Variants in KLF12 observed in about 807,000 individuals in gnomAD.
The protein encoded by KLF12 is Krueppel-like factor 12.
In KLF12, 9 loss-of-function variants were observed where a neutral mutation model predicts 37.8. The observed-to-expected ratio is 0.24, with a 90% confidence interval of 0.14 to 0.42. The LOEUF (loss-of-function observed/expected upper bound fraction) is 0.42, where lower values mean the gene tolerates loss of function less well. KLF12 is among the 10% of genes least tolerant of loss of function. KLF12 has a pLI of 1.00. For missense variants in KLF12, 411 were observed against 516.0 expected, an observed-to-expected ratio of 0.80 and a Z score of 1.97; for synonymous variants, 208 against 202.1, an observed-to-expected ratio of 1.03 and a Z score of -0.25.
At chr13:74,256,084 G>T in the KLF12 span, among the ~76,000 whole-genome samples, 1 of 151,900 alleles carries the variant, frequency 6.6e-6, no homozygotes, top group South Asian at 2.1e-4. Context: ...GAACCCAGAA[G>T]GCGGAGCTTG....
chr13:73,955,936 C>T (rs78567211), intron 2 of KLF12, among the ~76,000 whole-genome samples: 12,006 of 152,272 alleles, frequency 0.079, 652 homozygotes, highest in Non-Finnish European at 0.11. Context: ...TCCCCACCTC[C>T]GCTTTTCCAC....
At chr13:73,739,743 C>T (rs775734143) in intron 6 of KLF12, among the ~76,000 whole-genome samples, 46 of 152,124 alleles carry the variant, frequency 3.0e-4, no homozygotes, top group Non-Finnish European at 4.4e-4. Flanking sequence ...GCTTCTGAAT[C>T]GTTCTTGCAT....
intron 1 of KLF12, among the ~76,000 whole-genome samples, chr13:74,049,227 A>T (rs1212561365): frequency 6.6e-6 from 1 of 152,246 alleles, no homozygotes; most frequent in African/African-American, 2.4e-5. Flanking sequence ...TACCAAGAAC[A>T]GAGTGAGGGA....
the KLF12 span, among the ~76,000 whole-genome samples, chr13:74,292,452 CTT>C: frequency 2.2e-5 from 3 of 136,464 alleles, no homozygotes; most frequent in Non-Finnish European, 4.7e-5. Flanking sequence ...GTTTCTTTTT[CTT>C]TTTTTTTTTT....
the KLF12 span, chr13:74,289,144 A>G: frequency 3.3e-5 from 5 of 152,210 alleles, no homozygotes; most frequent in Admixed American, 6.5e-5. Flanking sequence ...GAAAGGGTAG[A>G]ACAAAGAGTT....
the KLF12 span, among the ~76,000 whole-genome samples, chr13:74,277,322 A>G: frequency 6.6e-6 from 1 of 152,148 alleles, no homozygotes; most frequent in Non-Finnish European, 1.5e-5. Context: ...CATGGCCCAT[A>G]TCATGTTTGA....
At chr13:73,982,720 T>C (rs1013819680) in intron 2 of KLF12, among the ~76,000 whole-genome samples, 1 of 152,194 alleles carries the variant, frequency 6.6e-6, no homozygotes, top group Non-Finnish European at 1.5e-5. Flanking sequence ...TTTACCAAGA[T>C]ATCAGCCTAG....
At chr13:73,714,354 T>C (rs560897476) in intron 7 of KLF12, among the ~76,000 whole-genome samples, 39 of 152,286 alleles carry the variant, frequency 2.6e-4, no homozygotes, top group African/African-American at 7.7e-4. Flanking sequence ...TAATTTCAAT[T>C]ATTTTGATAC....
At chr13:74,070,105 G>C (rs1593874085) in intron 1 of KLF12, among the ~76,000 whole-genome samples, 1 of 152,190 alleles carries the variant, frequency 6.6e-6, no homozygotes, top group Non-Finnish European at 1.5e-5. Flanking sequence ...GAGAAACGAG[G>C]AAGACAGATG....
chr13:74,104,576 T>C (rs1378227047), intron 1 of KLF12, among the ~76,000 whole-genome samples: 5 of 152,214 alleles, frequency 3.3e-5, no homozygotes, highest in African/African-American at 9.7e-5. Flanking sequence ...GGTACTCCCA[T>C]TGCCCAATGT....
the KLF12 span, among the ~76,000 whole-genome samples, chr13:74,228,063 T>C: frequency 6.6e-6 from 1 of 152,136 alleles, no homozygotes; most frequent in African/African-American, 2.4e-5. Flanking sequence ...TGTGGAAATA[T>C]AAGATGTTAT....
At chr13:73,972,632 A>C (rs1459164878) in intron 2 of KLF12, among the ~76,000 whole-genome samples, 1 of 147,752 alleles carries the variant, frequency 6.8e-6, no homozygotes, top group Admixed American at 6.8e-5. Context: ...CACAGTAATC[A>C]CAGCTACAGT....
the KLF12 span, among the ~76,000 whole-genome samples, chr13:74,143,857 G>A: frequency 3.9e-5 from 6 of 152,202 alleles, no homozygotes; most frequent in Non-Finnish European, 8.8e-5. Flanking sequence ...TGTGTTAGAT[G>A]ATTTTTGCCA....
chr13:73,910,589 G>C (rs951784595), intron 3 of KLF12, among the ~76,000 whole-genome samples: 3 of 152,146 alleles, frequency 2.0e-5, no homozygotes, highest in East Asian at 3.9e-4. Flanking sequence ...GTAGGAGAGA[G>C]AGAATGGTTG....
At chr13:73,879,175 C>T (rs945424483) in intron 3 of KLF12, among the ~76,000 whole-genome samples, 2 of 152,148 alleles carry the variant, frequency 1.3e-5, no homozygotes, top group African/African-American at 4.8e-5. Flanking sequence ...TTCAGAATAA[C>T]CTGCTGTTCA....
the KLF12 span, among the ~76,000 whole-genome samples, chr13:74,280,544 C>T: frequency 6.6e-6 from 1 of 152,316 alleles, no homozygotes; most frequent in South Asian, 2.1e-4. Context: ...TGTCAGTAGT[C>T]AGGGAGGCTA....
At chr13:73,785,626 AAAGT>A (rs1048463740) in intron 5 of KLF12, among the ~76,000 whole-genome samples, 24 of 151,326 alleles carry the variant, frequency 1.6e-4, no homozygotes, top group African/African-American at 5.6e-4. Context: ...TTTTTTTAGT[AAAGT>A]AAGTATTTTG....
At chr13:74,282,460 A>G in the KLF12 span, among the ~76,000 whole-genome samples, 1 of 152,250 alleles carries the variant, frequency 6.6e-6, no homozygotes, top group Admixed American at 6.5e-5. Flanking sequence ...TTTTCTGTGG[A>G]TTCACCCTGC....
intron 6 of KLF12, among the ~76,000 whole-genome samples, chr13:73,762,885 G>C (rs1470204920): frequency 1.3e-5 from 2 of 152,140 alleles, no homozygotes; most frequent in Non-Finnish European, 2.9e-5. Context: ...TAGACTCACA[G>C]TATTTACCTA....
Sources: gnomAD v4.1 joint callset for allele counts (sites outside exome capture counted in the v4.1 genomes callset) on GRCh38, gnomAD v4.1.1 for gene constraint, MANE v1.5 for transcripts, NCBI Gene and HGNC (gene_info 2026-07-23, HGNC 2026-07-21) for gene names.